Variants in KAZN observed in about 807,000 individuals in gnomAD.
KAZN encodes the protein kazrin, periplakin interacting protein.
KAZN carries 40 observed loss-of-function variants against 87.4 expected under a neutral mutation model. The observed-to-expected ratio is 0.46, with a 90% CI of 0.36 to 0.60. The LOEUF (loss-of-function observed/expected upper bound fraction) is 0.60. KAZN is among the 20% of genes least tolerant of loss of function. The probability of loss-of-function intolerance (pLI) is 0.00; values close to 1 mark genes in which losing one functional copy is unlikely to be tolerated. For missense variants in KAZN, 898 were observed against 1,073.9 expected, an observed-to-expected ratio of 0.84 and a Z score of 2.29; for synonymous variants, 466 against 458.3, an observed-to-expected ratio of 1.02 and a Z score of -0.22.
At chr1:14,374,424 A>G (rs1660738873) in intron 2 of KAZN, among the ~76,000 whole-genome samples, 1 of 152,228 alleles carries the variant, frequency 6.6e-6, no homozygotes, top group South Asian at 2.1e-4. Flanking sequence ...CAAGCTGTTC[A>G]GATCCCCTTC....
intron 2 of KAZN, among the ~76,000 whole-genome samples, chr1:14,519,631 CA>C (rs1671476778): frequency 6.6e-6 from 1 of 152,088 alleles, no homozygotes; most frequent in East Asian, 1.9e-4. Context: ...GATATGAAAG[CA>C]TAAGTGGTGA....
intron 1 of KAZN, among the ~76,000 whole-genome samples, chr1:14,673,964 C>A (rs1640068137): frequency 6.6e-6 from 1 of 152,096 alleles, no homozygotes; most frequent in Admixed American, 6.5e-5. Context: ...CAGTGATGCC[C>A]AGGGATGTGA....
At chr1:14,938,636 G>A (rs898274431) in intron 1 of KAZN, among the ~76,000 whole-genome samples, 8 of 151,970 alleles carry the variant, frequency 5.3e-5, no homozygotes, top group Admixed American at 3.3e-4. Context: ...TCAATAGGAC[G>A]TCAAGCACTG....
At chr1:14,823,308 G>A (rs549956740) in intron 1 of KAZN, among the ~76,000 whole-genome samples, 25 of 152,254 alleles carry the variant, frequency 1.6e-4, no homozygotes, top group Non-Finnish European at 2.9e-4. Flanking sequence ...CGGCTTAGGG[G>A]CATCTCTGGG....
intron 2 of KAZN, among the ~76,000 whole-genome samples, chr1:14,551,135 C>T (rs2148511881): frequency 1.3e-5 from 2 of 152,288 alleles, no homozygotes; most frequent in Middle Eastern, 6.8e-3. Context: ...CCATAGATCG[C>T]AACCCCTCAG....
intron 2 of KAZN, among the ~76,000 whole-genome samples, chr1:14,204,565 T>C (rs961489934): frequency 7.9e-5 from 12 of 152,284 alleles, no homozygotes; most frequent in African/African-American, 2.2e-4. Flanking sequence ...TTTTATTTAA[T>C]CTTCCCTTTT....
chr1:13,985,523 A>T (rs1170756596), intron 1 of KAZN, among the ~76,000 whole-genome samples: 1 of 122,794 alleles, frequency 8.1e-6, no homozygotes, highest in East Asian at 2.7e-4. Context: ...ACATGGACAC[A>T]GGAAGGGGAA....
intron 1 of KAZN, among the ~76,000 whole-genome samples, chr1:14,131,016 T>C (rs1231695909): frequency 6.6e-6 from 1 of 152,188 alleles, no homozygotes; most frequent in Non-Finnish European, 1.5e-5. Context: ...TTGCAGGCTG[T>C]ACAGGTTTCT....
chr1:14,751,593 G>A (rs993865597), intron 1 of KAZN, among the ~76,000 whole-genome samples: 4 of 152,146 alleles, frequency 2.6e-5, no homozygotes, highest in Admixed American at 2.0e-4. Context: ...CTTGCCCAAG[G>A]TCATACCTCC....
At chr1:15,112,353 G>C in intron 13 of KAZN, 74 bp from the exon 14 acceptor site, 1 of 733,888 alleles carries the variant, frequency 1.4e-6, no homozygotes, top group Admixed American at 2.0e-5. Flanking sequence ...GTGTGTGTGT[G>C]TGTGTGTGTG....
chr1:13,943,081 C>T (rs1330628855), intron 1 of KAZN, among the ~76,000 whole-genome samples: 1 of 152,170 alleles, frequency 6.6e-6, no homozygotes, highest in East Asian at 1.9e-4. Context: ...TTTTCCAAAA[C>T]TGATTAATAT....
At chr1:14,105,667 A>G (rs906066940) in intron 1 of KAZN, among the ~76,000 whole-genome samples, 2 of 152,234 alleles carry the variant, frequency 1.3e-5, no homozygotes, top group African/African-American at 4.8e-5. Flanking sequence ...CATGATCATC[A>G]ACAATTCTCT....
chr1:14,681,611 GTGTATATATATA>G (rs1272723378), intron 1 of KAZN, among the ~76,000 whole-genome samples: 15 of 33,880 alleles, frequency 4.4e-4, no homozygotes, highest in East Asian at 3.8e-3. Flanking sequence ...ATATGTATAT[GTGTATATATATA>G]TATATATATA....
intron 1 of KAZN, among the ~76,000 whole-genome samples, chr1:14,687,798 T>C (rs955447628): frequency 6.6e-5 from 10 of 152,204 alleles, no homozygotes; most frequent in African/African-American, 2.4e-4. Context: ...TGCACTTTCA[T>C]GGGGCTCACG....
chr1:14,433,014 A>G (rs910479334), intron 2 of KAZN, among the ~76,000 whole-genome samples: 5 of 151,580 alleles, frequency 3.3e-5, no homozygotes, highest in African/African-American at 1.2e-4. Flanking sequence ...GTGGTTGTGC[A>G]CACACACACA....
At chr1:13,950,152 G>A (rs896611597) in intron 1 of KAZN, among the ~76,000 whole-genome samples, 2 of 152,170 alleles carry the variant, frequency 1.3e-5, no homozygotes, top group African/African-American at 4.8e-5. Flanking sequence ...TGCTTTGTTT[G>A]GGCTGCACTT....
intron 4 of KAZN, among the ~76,000 whole-genome samples, chr1:15,049,640 G>A (rs1674085659): frequency 6.6e-6 from 1 of 152,238 alleles, no homozygotes; most frequent in African/African-American, 2.4e-5. Flanking sequence ...GAGTCTAGCA[G>A]AGTCCCAGTT....
chr1:15,015,235 C>T (rs10927628), intron 2 of KAZN, among the ~76,000 whole-genome samples: 62,276 of 151,698 alleles, frequency 0.41, 14,171 homozygotes, highest in South Asian at 0.51. Context: ...TCACTGCAAC[C>T]TCTGCCTCCC....
At chr1:13,964,506 G>C (rs908935179) in intron 1 of KAZN, among the ~76,000 whole-genome samples, 1 of 152,160 alleles carries the variant, frequency 6.6e-6, no homozygotes, top group African/African-American at 2.4e-5. Context: ...GGCTCACCTG[G>C]ACTGTGCTCA....
Sources: allele counts gnomAD v4.1 joint callset (sites outside exome capture counted in the v4.1 genomes callset), GRCh38; gene constraint gnomAD v4.1.1; transcripts MANE v1.5; gene names NCBI Gene and HGNC (gene_info 2026-07-23, HGNC 2026-07-21).